Variants in EXT1 observed in about 807,000 individuals in gnomAD.
The protein encoded by EXT1 is exostosin-1.
EXT1 carries 20 observed loss-of-function variants against 82.5 expected under a neutral mutation model. The observed-to-expected ratio is 0.24, with a 90% CI of 0.17 to 0.35. The LOEUF (loss-of-function observed/expected upper bound fraction) is 0.35, where lower values mean the gene tolerates loss of function less well. Among genes scored for constraint, EXT1 ranks in the 10% least tolerant of loss-of-function variants. The probability of loss-of-function intolerance (pLI) is 1.00; values close to 1 mark genes in which losing one functional copy is unlikely to be tolerated. For missense variants in EXT1, 757 were observed against 936.5 expected (o/e 0.81, Z 2.50); for synonymous variants, 348 against 350.8 (o/e 0.99, Z 0.09).
intron 1 of EXT1, among the ~76,000 whole-genome samples, chr8:118,009,588 G>C (rs1268799382): frequency 1.3e-5 from 2 of 152,222 alleles, no homozygotes; most frequent in Non-Finnish European, 2.9e-5. Context: ...TCCGTGGCCT[G>C]TTAGGAACCG....
intron 1 of EXT1, among the ~76,000 whole-genome samples, chr8:117,920,949 C>T: frequency 6.6e-6 from 1 of 152,198 alleles, no homozygotes; most frequent in East Asian, 1.9e-4. Context: ...ACAAGACTCC[C>T]CTCGTCCCTC....
intron 1 of EXT1, among the ~76,000 whole-genome samples, chr8:117,986,195 T>TCTCTTC (rs11406378): frequency 1.4e-5 from 2 of 147,112 alleles, no homozygotes; most frequent in Admixed American, 6.8e-5. Context: ...TTCTTTTTTT[T>TCTCTTC]TTTTTTTTTT....
intron 1 of EXT1, among the ~76,000 whole-genome samples, chr8:117,968,589 A>T (rs2129735378): frequency 7.1e-5 from 2 of 28,240 alleles, no homozygotes; most frequent in Non-Finnish European, 5.6e-5. Flanking sequence ...TTTTTTTTTG[A>T]GACGGAGTCT....
intron 1 of EXT1, among the ~76,000 whole-genome samples, chr8:118,052,931 T>A (rs1019847191): frequency 6.6e-6 from 1 of 152,312 alleles, no homozygotes; most frequent in Admixed American, 6.5e-5. Flanking sequence ...AATCCTAGAC[T>A]GTTGCAGTGT....
In EXT1 at chr8:117,981,707, TA is replaced by T. The variant is rs71569753; in HGVS notation, c.962+128377del. The stretch of plus-strand genomic sequence containing the variant: ...CAACATGGCGAAACCCCAGTTCTAC[TA>T]AAAAAAAAAAAATTAGCCAGGCTTG... On this transcript the variant is annotated intron_variant, in intron 1 of 10. Transcript: ENST00000378204. 6.3e-3 allele frequency among the ~76,000 whole-genome samples: 893 copies of T among 142,512 alleles called. 3 individuals are homozygous for T. Among genetic ancestry groups the T allele is most frequent in the South Asian group, 0.013 (58 of 4,524 alleles). The allele number at this position is 142,512 out of a possible 152,430, so 93.5% of individuals were successfully genotyped here. A position where few individuals can be genotyped will look rare whatever the true frequency, so the allele number is the denominator to read the frequency against.
intron 1 of EXT1, among the ~76,000 whole-genome samples, chr8:117,912,894 T>C (rs1343767409): frequency 6.6e-6 from 1 of 152,070 alleles, no homozygotes; most frequent in Non-Finnish European, 1.5e-5. Flanking sequence ...AAGGATAAAT[T>C]TATGTGATAG....
chr8:117,863,374 G>T (rs1170879396), intron 1 of EXT1, among the ~76,000 whole-genome samples: 3 of 149,262 alleles, frequency 2.0e-5, no homozygotes, highest in African/African-American at 4.9e-5. Flanking sequence ...ATTTCAAGGT[G>T]ACTCTGTATA....
In EXT1 at chr8:117,971,077, G is replaced by A. The variant is rs145333971; in HGVS notation, c.963-133876C>T. 4.6e-5 allele frequency among the ~76,000 whole-genome samples: 7 copies of A among 152,240 alleles called. 1 individual carries two copies. The East Asian group carries it at 9.7e-4, about 21-fold the overall frequency. ...TGGAGCTGGCCTGCCCAAGAAGCACGAGGACACCAGGTGTGCACATAGCTT... is the reference window on the plus strand; with the variant it reads ...TGGAGCTGGCCTGCCCAAGAAGCACAAGGACACCAGGTGTGCACATAGCTT... On this transcript the variant is annotated intron_variant, in intron 1 of 10. Transcript: ENST00000378204.
chr8:117,947,469 G>A (rs1168978179), intron 1 of EXT1, among the ~76,000 whole-genome samples: 1 of 152,130 alleles, frequency 6.6e-6, no homozygotes, highest in Admixed American at 6.5e-5. Flanking sequence ...ACCACAAATT[G>A]TCCTGAAAAA....
intron 1 of EXT1, among the ~76,000 whole-genome samples, chr8:117,860,706 A>G (rs960750167): frequency 6.6e-6 from 1 of 152,242 alleles, no homozygotes; most frequent in Non-Finnish European, 1.5e-5. Flanking sequence ...ATGAGATTTC[A>G]TGCCAAAATC....
chr8:118,033,017 G>A (rs529409018), intron 1 of EXT1, among the ~76,000 whole-genome samples: 43 of 152,296 alleles, frequency 2.8e-4, no homozygotes, highest in African/African-American at 1.0e-3. Flanking sequence ...GAAAGGGGTT[G>A]CTGCCTATCT....
Position 118,050,216 on chromosome 8 carries a change from G to A in EXT1, c.962+59869C>T, listed in dbSNP as rs758715890. Among the ~76,000 whole-genome samples the A allele has an allele frequency of 2.0e-5, 3 of 152,354 alleles. No individual in the cohort carries two copies. In the South Asian group the frequency reaches 6.2e-4, roughly 32 times the overall value. ...CCAGTTCTGTGTGAACAGAGGACCT[G>A]AGGTAAGGCAATGAACCCGAAATAT... On this transcript the variant is annotated intron_variant, in intron 1 of 10. Coordinates refer to ENST00000378204, the MANE Select transcript of EXT1 (RefSeq NM_000127.3).
intron 1 of EXT1, among the ~76,000 whole-genome samples, chr8:118,091,845 T>C (rs1369692678): frequency 6.6e-6 from 1 of 152,210 alleles, no homozygotes; most frequent in Non-Finnish European, 1.5e-5. Context: ...CTCTGTGTTA[T>C]TACAAAAAAA....
intron 1 of EXT1, among the ~76,000 whole-genome samples, chr8:117,912,346 C>G (rs1453968714): frequency 6.6e-6 from 1 of 152,190 alleles, no homozygotes; most frequent in East Asian, 1.9e-4. Context: ...ACCTAAGGGG[C>G]AGGTAGGAGA....
intron 7 of EXT1, among the ~76,000 whole-genome samples, chr8:117,817,891 T>C (rs1288442649): frequency 6.6e-6 from 1 of 152,178 alleles, no homozygotes; most frequent in African/African-American, 2.4e-5. Flanking sequence ...CAAAGTGAAC[T>C]GGAGAACAGA....
At chr8:117,804,570 T>C (rs948889986) in intron 10 of EXT1, 152 bp downstream of exon 10, 7 of 853,156 alleles carry the variant, frequency 8.2e-6, no homozygotes, top group Non-Finnish European at 1.2e-5. Flanking sequence ...GCACCAATCA[T>C]ACACTCTTTT....
At chr8:117,965,458 T>C (rs531623349) in intron 1 of EXT1, among the ~76,000 whole-genome samples, 114 of 152,152 alleles carry the variant, frequency 7.5e-4, no homozygotes, top group African/African-American at 2.6e-3. Context: ...CAAGGGGGAA[T>C]TACCTTGAAA....
intron 1 of EXT1, among the ~76,000 whole-genome samples, chr8:117,956,738 C>T (rs950355547): frequency 8.5e-5 from 13 of 152,214 alleles, no homozygotes; most frequent in African/African-American, 3.1e-4. Context: ...TGAGCCACTG[C>T]ATCCAGCCTT....
intron 1 of EXT1, among the ~76,000 whole-genome samples, chr8:118,075,324 C>T (rs1817187489): frequency 6.6e-6 from 1 of 152,208 alleles, no homozygotes; most frequent in Non-Finnish European, 1.5e-5. Flanking sequence ...CGTGTTGTGT[C>T]TCCATTCCCG....
Sources: allele counts gnomAD v4.1 joint callset (sites outside exome capture counted in the v4.1 genomes callset), GRCh38; gene constraint gnomAD v4.1.1; transcripts MANE v1.5; gene names NCBI Gene and HGNC (gene_info 2026-07-23, HGNC 2026-07-21).